KLF12: variants seen among roughly 807,000 people sequenced by gnomAD.
KLF12 encodes KLF transcription factor 12, also known as Krueppel-like factor 12.
A neutral mutation model predicts 37.8 loss-of-function variants in KLF12; 9 were observed. The observed-to-expected ratio is 0.24, with a 90% CI of 0.14 to 0.42. The LOEUF is 0.42. KLF12 is among the 10% of genes least tolerant of loss of function. KLF12 has a pLI of 1.00. For synonymous variants in KLF12, 208 were observed against 202.1 expected (o/e 1.03, Z -0.25); for missense variants, 411 against 516.0 (o/e 0.80, Z 1.97).
chr13:74,007,175 T>A (rs866752825), intron 1 of KLF12, among the ~76,000 whole-genome samples: 10 of 152,064 alleles, frequency 6.6e-5, no homozygotes, highest in Non-Finnish European at 1.2e-4. Flanking sequence ...TAAATAGGAC[T>A]GCCTTTAAAA....
the KLF12 span, among the ~76,000 whole-genome samples, chr13:74,163,611 T>C: frequency 6.6e-6 from 1 of 152,130 alleles, no homozygotes; most frequent in Non-Finnish European, 1.5e-5. Context: ...GTGGGGATGG[T>C]TAATGGGTAC....
At chr13:74,275,783 T>TTTCTTTCTTTCTTTCTTTCC in the KLF12 span, among the ~76,000 whole-genome samples, 2 of 64,134 alleles carry the variant, frequency 3.1e-5, no homozygotes, top group South Asian at 7.2e-4. Context: ...TGTCTTTTTC[T>TTTCTTTCTTTCTTTCTTTCC]TTCTTTCTTT....
At chr13:73,870,438 C>T (rs1032227395) in intron 3 of KLF12, among the ~76,000 whole-genome samples, 2 of 152,160 alleles carry the variant, frequency 1.3e-5, no homozygotes, top group Non-Finnish European at 2.9e-5. Flanking sequence ...ATGGTTAGCA[C>T]TTTTCAAACA....
chr13:73,797,886 T>C (rs1042646064), intron 5 of KLF12, among the ~76,000 whole-genome samples: 4 of 150,904 alleles, frequency 2.7e-5, no homozygotes, highest in Non-Finnish European at 5.9e-5. Context: ...CCAGAGTCAA[T>C]CACATCTGAA....
At chr13:73,938,023 A>G (rs762972034) in intron 3 of KLF12, among the ~76,000 whole-genome samples, 2 of 152,230 alleles carry the variant, frequency 1.3e-5, no homozygotes, top group Non-Finnish European at 2.9e-5. Flanking sequence ...GATCTCAAGC[A>G]GCAGGTCATC....
chr13:73,909,183 C>T (rs189739302), intron 3 of KLF12, among the ~76,000 whole-genome samples: 324 of 152,270 alleles, frequency 2.1e-3, no homozygotes, highest in Middle Eastern at 3.4e-3. Context: ...CCTTCTAACC[C>T]TCCCAGCCCA....
At chr13:73,751,270 C>G (rs1382126390) in intron 6 of KLF12, among the ~76,000 whole-genome samples, 1 of 152,010 alleles carries the variant, frequency 6.6e-6, no homozygotes, top group Non-Finnish European at 1.5e-5. Flanking sequence ...TAATGAGACC[C>G]CTGGATCAAA....
intron 5 of KLF12, among the ~76,000 whole-genome samples, chr13:73,783,025 G>A (rs1335508028): frequency 6.6e-6 from 1 of 152,154 alleles, no homozygotes; most frequent in African/African-American, 2.4e-5. Context: ...GCTACACACA[G>A]GCCTGCTCCC....
At chr13:73,855,222 C>G (rs777467042) in intron 3 of KLF12, among the ~76,000 whole-genome samples, 1 of 152,186 alleles carries the variant, frequency 6.6e-6, no homozygotes, top group Admixed American at 6.5e-5. Context: ...CAGTACCCAA[C>G]AGATAGTTTT....
At chr13:73,725,062 T>G (rs1217641685) in intron 6 of KLF12, among the ~76,000 whole-genome samples, 2 of 152,190 alleles carry the variant, frequency 1.3e-5, no homozygotes, top group African/African-American at 2.4e-5. Context: ...ATTATAAGAT[T>G]TGAAACACAA....
At chr13:73,837,105 C>T (rs12585205) in intron 4 of KLF12, among the ~76,000 whole-genome samples, 1 of 152,128 alleles carries the variant, frequency 6.6e-6, no homozygotes, top group South Asian at 2.1e-4. Flanking sequence ...ATGATCCGTC[C>T]TGGGTATCCA....
At chr13:73,902,047 T>C (rs1342374945) in intron 3 of KLF12, among the ~76,000 whole-genome samples, 3 of 152,218 alleles carry the variant, frequency 2.0e-5, no homozygotes, top group Non-Finnish European at 2.9e-5. Flanking sequence ...GATTCACCTA[T>C]AATGCTTATA....
the KLF12 span, among the ~76,000 whole-genome samples, chr13:74,178,281 A>C: frequency 6.6e-6 from 1 of 152,206 alleles, no homozygotes; most frequent in Non-Finnish European, 1.5e-5. Flanking sequence ...CTACTGCTTC[A>C]TCATGTTGTC....
At chr13:74,212,367 T>C in the KLF12 span, among the ~76,000 whole-genome samples, 1 of 152,136 alleles carries the variant, frequency 6.6e-6, no homozygotes, top group African/African-American at 2.4e-5. Context: ...AAAGAGAAGC[T>C]CTTGATTATG....
intron 1 of KLF12, among the ~76,000 whole-genome samples, chr13:74,071,131 G>T: frequency 6.6e-6 from 1 of 152,132 alleles, no homozygotes; most frequent in East Asian, 1.9e-4. Context: ...TTCATCATGA[G>T]AATGGAGAGT....
chr13:74,017,056 T>C (rs895155282), intron 1 of KLF12, among the ~76,000 whole-genome samples: 1 of 152,104 alleles, frequency 6.6e-6, no homozygotes, highest in Admixed American at 6.6e-5. Flanking sequence ...TCTATGGTGA[T>C]AGGAGACAGC....
At chr13:73,870,836 T>A (rs1886428419) in intron 3 of KLF12, among the ~76,000 whole-genome samples, 1 of 152,236 alleles carries the variant, frequency 6.6e-6, no homozygotes, top group Admixed American at 6.5e-5. Flanking sequence ...AGGGGCCTTC[T>A]ACTCTCCAGA....
chr13:74,051,170 C>T (rs11843553), intron 1 of KLF12, among the ~76,000 whole-genome samples: 4,575 of 152,192 alleles, frequency 0.03, 211 homozygotes, highest in African/African-American at 0.1. Context: ...TCTACCAATC[C>T]CACTACCGAG....
intron 1 of KLF12, among the ~76,000 whole-genome samples, chr13:74,030,147 C>T (rs1051910097): frequency 6.6e-6 from 1 of 152,010 alleles, no homozygotes; most frequent in African/African-American, 2.4e-5. Flanking sequence ...AACCTCCAGG[C>T]TAAAATAAAA....
Sources: gnomAD v4.1 joint callset for allele counts (sites outside exome capture counted in the v4.1 genomes callset) on GRCh38, gnomAD v4.1.1 for gene constraint, MANE v1.5 for transcripts, NCBI Gene and HGNC (gene_info 2026-07-23, HGNC 2026-07-21) for gene names.